Variants in SLC26A5 observed in about 807,000 individuals in gnomAD.
SLC26A5 encodes prestin.
A neutral mutation model predicts 81.0 loss-of-function variants in SLC26A5; 51 were observed. The observed-to-expected ratio is 0.63, with a 90% CI of 0.50 to 0.80. The LOEUF (loss-of-function observed/expected upper bound fraction) is 0.80. SLC26A5 is among the 30% of genes least tolerant of loss of function. The probability of loss-of-function intolerance (pLI) is 0.00; values close to 1 mark genes in which losing one functional copy is unlikely to be tolerated. For missense variants in SLC26A5, 771 were observed against 905.8 expected (o/e 0.85, Z 1.91); for synonymous variants, 325 against 332.8 (o/e 0.98, Z 0.25).
chr7:103,417,831 C>T (rs906167223), intron 4 of SLC26A5, among the ~76,000 whole-genome samples: 8 of 152,192 alleles, frequency 5.3e-5, no homozygotes, highest in African/African-American at 1.9e-4. Flanking sequence ...TCACTGCAAC[C>T]TCTGTCTCCC....
At chr7:103,394,382 G>T (rs961017435) in intron 9 of SLC26A5, among the ~76,000 whole-genome samples, 1 of 152,194 alleles carries the variant, frequency 6.6e-6, no homozygotes, top group Non-Finnish European at 1.5e-5. Context: ...AACCTGGGGG[G>T]TCTGGCTATA....
intron 19 of SLC26A5, 57 bp from the exon 20 acceptor site, chr7:103,374,649 TA>T (rs1205748398): frequency 4.7e-5 from 70 of 1,478,176 alleles, no homozygotes; most frequent in Middle Eastern, 2.0e-4. Context: ...CTTCAACAAT[TA>T]AAAAAAAGTA....
intron 3 of SLC26A5, 113 bp downstream of exon 3, chr7:103,421,250 T>C (rs1265929545): frequency 5.0e-6 from 6 of 1,194,716 alleles, no homozygotes; most frequent in Non-Finnish European, 7.3e-6. Flanking sequence ...CCATGATGGC[T>C]CAGCATTCAT....
At chr7:103,445,202 T>A (rs1469393899) in intron 1 of SLC26A5, 1 of 152,186 alleles carries the variant, frequency 6.6e-6, no homozygotes, top group Non-Finnish European at 1.5e-5. Context: ...CCCCACAGCG[T>A]ATCTGAGGCT....
intron 8 of SLC26A5, among the ~76,000 whole-genome samples, chr7:103,404,782 A>C (rs1308960367): frequency 6.6e-6 from 1 of 152,118 alleles, no homozygotes; most frequent in Non-Finnish European, 1.5e-5. Flanking sequence ...GTGTTTTCCA[A>C]CTTGGTTCCA....
At chr7:103,384,663 A>T (rs1822048302) in intron 14 of SLC26A5, among the ~76,000 whole-genome samples, 1 of 152,128 alleles carries the variant, frequency 6.6e-6, no homozygotes, top group Non-Finnish European at 1.5e-5. Context: ...GCAAAAACTC[A>T]CATCTGAGTC....
chr7:103,354,700 T>C (rs1299918733), intron 19 of SLC26A5, among the ~76,000 whole-genome samples: 2 of 152,158 alleles, frequency 1.3e-5, no homozygotes, highest in African/African-American at 4.8e-5. Flanking sequence ...TGCATAATAG[T>C]GGATTGTGTA....
intron 2 of SLC26A5, among the ~76,000 whole-genome samples, chr7:103,428,646 T>A (rs7786699): frequency 0.075 from 10,818 of 145,052 alleles, 1,298 homozygotes; most frequent in African/African-American, 0.26. Context: ...CACTGCAACC[T>A]CCACCTCCCA....
At chr7:103,437,998 T>C (rs889414542) in intron 2 of SLC26A5, among the ~76,000 whole-genome samples, 1 of 152,190 alleles carries the variant, frequency 6.6e-6, no homozygotes, top group African/African-American at 2.4e-5. Flanking sequence ...ATGTTCTATA[T>C]GAAGTTCTAG....
At chr7:103,374,680 T>A in intron 19 of SLC26A5, 88 bp from the exon 20 acceptor site, 1 of 1,259,688 alleles carries the variant, frequency 7.9e-7, no homozygotes, top group Non-Finnish European at 1.1e-6. Flanking sequence ...TATAGTGTTT[T>A]TTTTTTTGTT....
chr7:103,355,585 C>T, intron 19 of SLC26A5: 2 of 803,498 alleles, frequency 2.5e-6, no homozygotes, highest in Non-Finnish European at 2.1e-6. Flanking sequence ...CATGATAGTC[C>T]TCACAATGAA....
downstream of SLC26A5, among the ~76,000 whole-genome samples, chr7:103,372,304 C>T (rs1586192417): frequency 6.6e-6 from 1 of 152,198 alleles, no homozygotes; most frequent in Admixed American, 6.5e-5. Context: ...ACACCACAGG[C>T]TTTGGTTGCA....
At chr7:103,384,544 G>C (rs905037109) in intron 14 of SLC26A5, among the ~76,000 whole-genome samples, 3 of 152,038 alleles carry the variant, frequency 2.0e-5, no homozygotes, top group Admixed American at 6.5e-5. Flanking sequence ...TTGAACCCAG[G>C]AGGTGGAGGT....
chr7:103,371,464 A>G (rs1586189983), downstream of SLC26A5, among the ~76,000 whole-genome samples: 1 of 149,922 alleles, frequency 6.7e-6, no homozygotes, highest in Non-Finnish European at 1.5e-5. Context: ...AGCTGGGACT[A>G]CAGGCGCCCG....
chr7:103,426,492 G>T (rs1825717539), intron 2 of SLC26A5, among the ~76,000 whole-genome samples: 1 of 152,128 alleles, frequency 6.6e-6, no homozygotes. Flanking sequence ...TGGGTATCTT[G>T]TATTTTTCTT....
At chr7:103,396,509 A>G (rs1219801962) in intron 9 of SLC26A5, among the ~76,000 whole-genome samples, 1 of 152,246 alleles carries the variant, frequency 6.6e-6, no homozygotes, top group Non-Finnish European at 1.5e-5. Context: ...AGGGAAGAAA[A>G]TACTGTCATA....
chr7:103,428,878 T>C (rs1016638593), intron 2 of SLC26A5, among the ~76,000 whole-genome samples: 5 of 152,204 alleles, frequency 3.3e-5, no homozygotes, highest in African/African-American at 1.2e-4. Flanking sequence ...TGTTAGTGCA[T>C]TTTTAAGTGT....
chr7:103,429,694 C>T, intron 2 of SLC26A5, among the ~76,000 whole-genome samples: 1 of 152,106 alleles, frequency 6.6e-6, no homozygotes, highest in East Asian at 1.9e-4. Flanking sequence ...AGCAAAAGGC[C>T]CTAAGACCTA....
intron 19 of SLC26A5, chr7:103,363,484 T>C (rs1820527478): frequency 1.3e-6 from 2 of 1,526,818 alleles, no homozygotes; most frequent in Admixed American, 3.3e-5. Flanking sequence ...TATAAAGATG[T>C]CTTTTGTGTA....
Sources: gnomAD v4.1 joint callset for allele counts (sites outside exome capture counted in the v4.1 genomes callset) on GRCh38, gnomAD v4.1.1 for gene constraint, MANE v1.5 for transcripts, NCBI Gene and HGNC (gene_info 2026-07-23, HGNC 2026-07-21) for gene names.